Variants in SHOC1 observed in about 807,000 individuals in gnomAD.
SHOC1 encodes protein shortage in chiasmata 1 ortholog.
In SHOC1, 136 loss-of-function variants were observed where a neutral mutation model predicts 179.2. The ratio of observed to expected loss-of-function variants is 0.76; its 90% CI spans 0.66 to 0.87. The LOEUF (loss-of-function observed/expected upper bound fraction) is 0.87. Ranked by LOEUF, SHOC1 falls within the 40% of genes least tolerant of loss-of-function variation. The pLI is 0.00. For missense variants in SHOC1, 1,538 were observed against 1,700.8 expected (o/e 0.90, Z 1.68); for synonymous variants, 489 against 586.6 (o/e 0.83, Z 2.41).
chr9:111,738,217 G>T, intron 12 of SHOC1, 63 bp downstream of exon 12: 2 of 1,432,782 alleles, frequency 1.4e-6, no homozygotes, highest in East Asian at 2.5e-5. Flanking sequence ...AGGAAATCCA[G>T]AATCTAACAT....
At position 111,704,623 on chromosome 9, in the gene SHOC1, C is replaced by T. The variant is rs116277024; in HGVS notation, c.2855+624G>A. Among the ~76,000 whole-genome samples, 376 of 152,320 alleles carry T rather than the reference C, an allele frequency of 2.5e-3. 1 individual carries two copies. The highest frequency in any genetic ancestry group is 8.2e-3 in the African/African-American group (341 of 41,584). The stretch of plus-strand genomic sequence containing the variant: ...CATAAAAACAAAAGCATGGAACATA[C>T]ATCTGCATTTTAACTAAGGTAACAG... On this transcript the variant is annotated intron_variant, in intron 21 of 27. Transcript: ENST00000682961.
chr9:111,776,787 G>A (rs1476024402), intron 4 of SHOC1, among the ~76,000 whole-genome samples: 1 of 152,220 alleles, frequency 6.6e-6, no homozygotes, highest in Non-Finnish European at 1.5e-5. Context: ...GTTGGTAACT[G>A]CCCAGGCACC....
chr9:111,758,546 G>GCCATTGTACT (rs1431411628), intron 6 of SHOC1, 149 bp downstream of exon 6: 1 of 677,320 alleles, frequency 1.5e-6, no homozygotes, highest in Non-Finnish European at 2.3e-6. Context: ...CCGAGATTGC[G>GCCATTGTACT]CCATTGTACT....
intron 12 of SHOC1, among the ~76,000 whole-genome samples, chr9:111,737,079 T>A (rs948032943): frequency 6.6e-6 from 1 of 152,156 alleles, no homozygotes; most frequent in Non-Finnish European, 1.5e-5. Context: ...GGTAAGGCTG[T>A]GGAGAAAAGA....
intron 9 of SHOC1, 28 bp from the exon 10 acceptor site, chr9:111,746,370 T>C: frequency 7.0e-7 from 1 of 1,429,960 alleles, no homozygotes; most frequent in Non-Finnish European, 9.9e-7. Context: ...TAAAGTTATG[T>C]AAACATTGAA....
intron 27 of SHOC1, among the ~76,000 whole-genome samples, chr9:111,689,548 A>G (rs1589366557): frequency 6.6e-6 from 1 of 151,920 alleles, no homozygotes; most frequent in East Asian, 1.9e-4. Flanking sequence ...ATTAATTCAA[A>G]AAGTGTTGTA....
chr9:111,743,484 A>G (rs912736694), intron 10 of SHOC1, among the ~76,000 whole-genome samples: 5 of 152,086 alleles, frequency 3.3e-5, no homozygotes, highest in Non-Finnish European at 7.4e-5. Flanking sequence ...TATCCACACT[A>G]TATGTACTCA....
intron 8 of SHOC1, among the ~76,000 whole-genome samples, chr9:111,753,950 A>G (rs1834730482): frequency 6.6e-6 from 1 of 152,144 alleles, no homozygotes; most frequent in Non-Finnish European, 1.5e-5. Flanking sequence ...TAAGATGAAC[A>G]GGTTCTAGAG....
chr9:111,698,270 G>A (rs1831800686), intron 24 of SHOC1, among the ~76,000 whole-genome samples: 2 of 152,192 alleles, frequency 1.3e-5, no homozygotes, highest in South Asian at 4.1e-4. Flanking sequence ...TGTTGCCCAT[G>A]CCTATGTCCT....
At chr9:111,690,776 A>C (rs1363197043) in intron 27 of SHOC1, among the ~76,000 whole-genome samples, 1 of 152,228 alleles carries the variant, frequency 6.6e-6, no homozygotes, top group Non-Finnish European at 1.5e-5. Context: ...TGTAGCTTAT[A>C]CAATTTGGGA....
At chr9:111,755,158 A>G (rs1834799499) in intron 8 of SHOC1, among the ~76,000 whole-genome samples, 1 of 151,448 alleles carries the variant, frequency 6.6e-6, no homozygotes. Flanking sequence ...GGAGTTTAAC[A>G]GTATAATCAC....
chr9:111,783,285 A>G (rs1201825546), intron 3 of SHOC1: 1 of 152,130 alleles, frequency 6.6e-6, no homozygotes, highest in East Asian at 1.9e-4. Flanking sequence ...ACATACTCCA[A>G]TCATATTCCA....
chr9:111,746,293 A>G lies in SHOC1; in HGVS notation c.1020T>C (p.Ser340=), dbSNP rs762310649. The G allele has an allele frequency of 2.4e-5, 38 of 1,612,520 alleles. No individual in the cohort carries two copies. The highest frequency in any genetic ancestry group is 3.1e-5 in the Non-Finnish European group (37 of 1,178,838). ...LTPLFLTCQH[S]SVNSLRTELQ... ...GTTCTGTACGTAATGAATTCACTGA[A>G]GAATGTTGGCATGTTAGGAATAGAG... The change falls in exon 10 of 28, where the codon TCT becomes TCC. Residue 340 remains serine (S), a synonymous_variant. Transcript: ENST00000682961.
chr9:111,720,503 T>G (rs73541297), intron 15 of SHOC1, among the ~76,000 whole-genome samples: 4,920 of 152,262 alleles, frequency 0.032, 291 homozygotes, highest in African/African-American at 0.11. Flanking sequence ...TTTCATTAAG[T>G]TTAGAAAGAT....
At chr9:111,687,411 G>C (rs944263175) in intron 27 of SHOC1, among the ~76,000 whole-genome samples, 3 of 152,102 alleles carry the variant, frequency 2.0e-5, no homozygotes, top group Non-Finnish European at 4.4e-5. Flanking sequence ...AAAAATTAGT[G>C]ATAAATGCAT....
chr9:111,773,660 A>G (rs1223772770), intron 5 of SHOC1, among the ~76,000 whole-genome samples: 1 of 152,190 alleles, frequency 6.6e-6, no homozygotes, highest in Non-Finnish European at 1.5e-5. Flanking sequence ...ATATTTGTTT[A>G]TATGTTCCCA....
At chr9:111,693,533 G>A (rs1448229516) in intron 26 of SHOC1, among the ~76,000 whole-genome samples, 1 of 151,124 alleles carries the variant, frequency 6.6e-6, no homozygotes, top group Admixed American at 6.6e-5. Flanking sequence ...AACTTGGGAG[G>A]TGGAGGTTGC....
chr9:111,775,307 T>C (rs1020437325), intron 5 of SHOC1, among the ~76,000 whole-genome samples: 1 of 152,128 alleles, frequency 6.6e-6, no homozygotes, highest in African/African-American at 2.4e-5. Flanking sequence ...CTACTTTTAA[T>C]TATTTTTGAG....
chr9:111,757,597 G>A (rs1015667836), intron 7 of SHOC1, among the ~76,000 whole-genome samples: 11 of 152,156 alleles, frequency 7.2e-5, no homozygotes, highest in African/African-American at 2.7e-4. Flanking sequence ...TGCAAAAGAT[G>A]CTATCATCCT....
Sources: gnomAD v4.1 joint callset for allele counts (sites outside exome capture counted in the v4.1 genomes callset) on GRCh38, gnomAD v4.1.1 for gene constraint, MANE v1.5 for transcripts, NCBI Gene and HGNC (gene_info 2026-07-23, HGNC 2026-07-21) for gene names.